SLCO1B1: variants seen among roughly 807,000 people sequenced by gnomAD.
SLCO1B1 encodes solute carrier organic anion transporter family member 1B1.
SLCO1B1 carries 81 observed loss-of-function variants against 70.1 expected under a neutral mutation model. The ratio of observed to expected loss-of-function variants is 1.16; its 90% CI spans 0.97 to 1.39. The LOEUF (loss-of-function observed/expected upper bound fraction) is 1.39, where lower values mean the gene tolerates loss of function less well. SLCO1B1 is among the 40% of genes most tolerant of loss of function. The pLI, the probability that SLCO1B1 is intolerant of heterozygous loss-of-function variation, is 0.00. For synonymous variants in SLCO1B1, 283 were observed against 271.5 expected (o/e 1.04, Z -0.42); for missense variants, 895 against 799.6 (o/e 1.12, Z -1.44).
chr12:21,235,180 C>T (rs1212589040), intron 14 of SLCO1B1, among the ~76,000 whole-genome samples: 2 of 148,608 alleles, frequency 1.3e-5, no homozygotes, highest in African/African-American at 5.0e-5. Flanking sequence ...TACTTTCTAT[C>T]TCTTTGCTTA....
intron 11 of SLCO1B1, among the ~76,000 whole-genome samples, chr12:21,214,416 C>G (rs563243986): frequency 2.0e-5 from 3 of 147,442 alleles, no homozygotes; most frequent in African/African-American, 7.7e-5. Context: ...GCAGTGTGCC[C>G]GTTCTCAGAT....
intron 1 of SLCO1B1, among the ~76,000 whole-genome samples, chr12:21,132,970 A>T (rs1313046999): frequency 1.3e-5 from 2 of 151,850 alleles, no homozygotes; most frequent in African/African-American, 4.8e-5. Flanking sequence ...TTTTAGGTCT[A>T]ACATTTAAGT....
Position 21,202,651 on chromosome 12 carries a change from C to A in SLCO1B1, c.1296C>A (p.Asn432Lys), listed in dbSNP as rs534931824. The change falls in exon 10 of 15, where the codon AAC becomes AAA. Residue 432 changes from asparagine (N) to lysine (K), a missense_variant. Coordinates refer to ENST00000256958, the MANE Select transcript of SLCO1B1 (RefSeq NM_006446.5). ...TATATTTTTTCATACTCTGTGAAAA[C>A]AAATCAGTTGCCGGACTAACCATGA... ...YLLYFFILCE[N>K]KSVAGLTMTY... 53 of 1,612,616 alleles carry A rather than the reference C, an allele frequency of 3.3e-5. No individual in the cohort carries two copies. The Admixed American group carries it at 7.5e-4, about 23-fold the overall frequency.
intron 7 of SLCO1B1, among the ~76,000 whole-genome samples, chr12:21,189,446 T>C (rs1001248478): frequency 3.0e-5 from 4 of 133,570 alleles, no homozygotes; most frequent in African/African-American, 1.1e-4. Flanking sequence ...TAATTGTTTT[T>C]TCAAATTAAT....
Position 21,224,734 on chromosome 12 carries a change from C to A in SLCO1B1, c.1760C>A (p.Ala587Asp). The A allele has an allele frequency of 6.2e-7, 1 of 1,605,222 alleles. No homozygotes were observed. Among genetic ancestry groups the A allele is most frequent in the Non-Finnish European group, 8.5e-7 (1 of 1,173,074 alleles). Residue 587 changes from alanine (A) to aspartate (D), a missense_variant, in exon 14 of 15, where the codon GCT becomes GAT. Ala to Asp is a moderately radical substitution (Grantham distance 126, BLOSUM62 -2). Coordinates refer to ENST00000256958, the MANE Select transcript of SLCO1B1 (RefSeq NM_006446.5). Reference protein sequence around the residue: ...MVIRALGGILAPIYFGALIDT... With the variant: ...MVIRALGGILDPIYFGALIDT... ...TCTCCTATTACAGGAGGAATTCTAG[C>A]TCCAATATATTTTGGGGCTCTGATT...
chr12:21,185,152 C>A (rs1205419640), intron 7 of SLCO1B1, among the ~76,000 whole-genome samples: 1 of 151,998 alleles, frequency 6.6e-6, no homozygotes, highest in Non-Finnish European at 1.5e-5. Flanking sequence ...AACAGACAGC[C>A]ACACCATGAT....
chr12:21,144,915 C>T (rs1940361584), intron 2 of SLCO1B1, among the ~76,000 whole-genome samples: 3 of 152,072 alleles, frequency 2.0e-5, no homozygotes, highest in African/African-American at 7.2e-5. Context: ...TAAGGGAGTC[C>T]TAAACATGGA....
Position 21,217,127 on chromosome 12 carries a change from C to G in SLCO1B1, c.1506C>G (p.Tyr502Ter). Residue 502 changes from tyrosine to a stop codon, truncating the protein, a stop_gained, in exon 12 of 15, where the codon TAC becomes TAG. Transcript: ENST00000256958. LOFTEE classifies it high-confidence loss of function. ...TATACACAACGCTTAAGGTGTTTTA[C>G]AACTGCAGTTGTTTGGAAGTAACTG... ...SSGNKKPIVFYNCSCLEVTGL... is the reference protein window; with the variant it reads ...SSGNKKPIVF 1 of 1,612,934 alleles carries G rather than the reference C, an allele frequency of 6.2e-7. No homozygotes were observed.
rs145184174 is a variant in SLCO1B1, at chr12:21,188,085, G to A, written c.728-8861G>A. On this transcript the variant is annotated intron_variant, in intron 7 of 14. Coordinates refer to ENST00000256958, the MANE Select transcript of SLCO1B1 (RefSeq NM_006446.5). ...TGTGGGCACTGAAACTAAAGCATGT[G>A]TTGGAAGAAGGATTAGTTCCATTTA... Among the ~76,000 whole-genome samples, 759 of 152,258 alleles carry A rather than the reference G, an allele frequency of 5.0e-3. 21 individuals are homozygous for A. The highest frequency in any genetic ancestry group is 0.036 in the Admixed American group (543 of 15,270).
intron 5 of SLCO1B1, 23 bp from the exon 6 acceptor site, chr12:21,178,553 G>T (rs1249194283): frequency 6.5e-7 from 1 of 1,546,150 alleles, no homozygotes; most frequent in Non-Finnish European, 8.9e-7. Context: ...TGTTTAAAAT[G>T]AAACACTCTC....
intron 7 of SLCO1B1, among the ~76,000 whole-genome samples, chr12:21,179,424 G>C (rs1398976311): frequency 6.6e-6 from 1 of 152,140 alleles, no homozygotes; most frequent in African/African-American, 2.4e-5. Context: ...TATGGCTGGA[G>C]TCATTTGAGA....
At chr12:21,180,075 G>A (rs539577636) in intron 7 of SLCO1B1, among the ~76,000 whole-genome samples, 43 of 151,936 alleles carry the variant, frequency 2.8e-4, no homozygotes, top group Non-Finnish European at 4.7e-4. Context: ...TATCATTTGC[G>A]TTAATTGATA....
chr12:21,145,473 ATTT>A (rs35334634), intron 2 of SLCO1B1, among the ~76,000 whole-genome samples: 174 of 76,100 alleles, frequency 2.3e-3, no homozygotes, highest in African/African-American at 9.0e-3. Context: ...CATTTTTTTC[ATTT>A]TTTTTTTTTT....
chr12:21,151,901 T>C (rs1466963697), intron 2 of SLCO1B1, among the ~76,000 whole-genome samples: 1 of 152,110 alleles, frequency 6.6e-6, no homozygotes, highest in Non-Finnish European at 1.5e-5. Flanking sequence ...TGTTATTCTA[T>C]GGACTTCCAG....
At chr12:21,140,361 C>T (rs1446142971) in intron 1 of SLCO1B1, among the ~76,000 whole-genome samples, 4 of 151,920 alleles carry the variant, frequency 2.6e-5, no homozygotes, top group Non-Finnish European at 4.4e-5. Context: ...GAATGTATTT[C>T]TAAAACTCCA....
At chr12:21,156,653 A>G (rs1940547689) in intron 2 of SLCO1B1, among the ~76,000 whole-genome samples, 1 of 152,160 alleles carries the variant, frequency 6.6e-6, no homozygotes, top group South Asian at 2.1e-4. Flanking sequence ...AAGCAAAACA[A>G]TGTAGGTTTA....
At chr12:21,188,624 C>T (rs749681837) in intron 7 of SLCO1B1, among the ~76,000 whole-genome samples, 1 of 151,886 alleles carries the variant, frequency 6.6e-6, no homozygotes, top group Non-Finnish European at 1.5e-5. Flanking sequence ...TAACACCATC[C>T]CCCTTGATGC....
At chr12:21,179,542 CAT>C (rs1940867448) in intron 7 of SLCO1B1, among the ~76,000 whole-genome samples, 1 of 152,156 alleles carries the variant, frequency 6.6e-6, no homozygotes, top group Non-Finnish European at 1.5e-5. Flanking sequence ...GCAGAGGACA[CAT>C]AAATAAAATC....
intron 1 of SLCO1B1, among the ~76,000 whole-genome samples, chr12:21,138,337 A>G (rs544510868): frequency 4.6e-5 from 7 of 152,314 alleles, no homozygotes; most frequent in African/African-American, 1.4e-4. Context: ...AAGAATTGCA[A>G]TGCTAAATCC....
Sources: gnomAD v4.1 joint callset for allele counts (sites outside exome capture counted in the v4.1 genomes callset) on GRCh38, gnomAD v4.1.1 for gene constraint, MANE v1.5 for transcripts, NCBI Gene and HGNC (gene_info 2026-07-23, HGNC 2026-07-21) for gene names.